DIS3L2: variants seen among roughly 807,000 people sequenced by gnomAD.
DIS3L2 encodes DIS3-like exonuclease 2.
Under a neutral mutation model 97.5 loss-of-function variants are expected in DIS3L2, and 34 were observed. The ratio of observed to expected loss-of-function variants is 0.35; its 90% CI spans 0.27 to 0.46. The LOEUF is 0.46. Among genes scored for constraint, DIS3L2 ranks in the 20% least tolerant of loss-of-function variants. The probability of loss-of-function intolerance (pLI) is 1.00; values close to 1 mark genes in which losing one functional copy is unlikely to be tolerated. For synonymous variants in DIS3L2, 435 were observed against 445.2 expected (o/e 0.98, Z 0.29); for missense variants, 1,038 against 1,146.0 (o/e 0.91, Z 1.36).
At chr2:232,111,338 A>T in intron 6 of DIS3L2, 2 of 455,726 alleles carry the variant, frequency 4.4e-6, no homozygotes, top group Non-Finnish European at 4.6e-6. Flanking sequence ...TAAAGAGCAC[A>T]TCATGGACAT....
chr2:232,210,551 T>A, intron 10 of DIS3L2, 146 bp downstream of exon 10: 1 of 674,350 alleles, frequency 1.5e-6, no homozygotes, highest in Non-Finnish European at 2.6e-6. Context: ...CCTCTGAGCC[T>A]TTACAACTAT....
At chr2:231,966,876 G>C (rs71421607) in intron 1 of DIS3L2, among the ~76,000 whole-genome samples, 1 of 151,952 alleles carries the variant, frequency 6.6e-6, no homozygotes, top group African/African-American at 2.4e-5. Context: ...ACATGAAGTA[G>C]AAGGATTTGA....
chr2:231,977,619 G>C (rs1016211198), intron 1 of DIS3L2, among the ~76,000 whole-genome samples: 1 of 152,148 alleles, frequency 6.6e-6, no homozygotes, highest in African/African-American at 2.4e-5. Flanking sequence ...CGAAACTTCT[G>C]GCCAGTAGGA....
chr2:232,081,669 A>T (rs1368195542), intron 5 of DIS3L2, among the ~76,000 whole-genome samples: 1 of 152,194 alleles, frequency 6.6e-6, no homozygotes, highest in Non-Finnish European at 1.5e-5. Context: ...TTTAGACAAG[A>T]CACTAGTAGC....
chr2:232,060,223 C>A (rs531229847), intron 5 of DIS3L2, among the ~76,000 whole-genome samples: 1 of 152,018 alleles, frequency 6.6e-6, no homozygotes, highest in Non-Finnish European at 1.5e-5. Flanking sequence ...CTTTGCCGTG[C>A]AGTTTTTTAA....
chr2:232,222,033 C>T (rs1291576353), intron 10 of DIS3L2, among the ~76,000 whole-genome samples: 3 of 149,782 alleles, frequency 2.0e-5, no homozygotes, highest in Non-Finnish European at 4.5e-5. Flanking sequence ...ACCTCTGCTT[C>T]CTGGTTTCAA....
chr2:232,314,725 C>T (rs1318993937), intron 14 of DIS3L2, among the ~76,000 whole-genome samples: 3 of 152,214 alleles, frequency 2.0e-5, no homozygotes, highest in Non-Finnish European at 4.4e-5. Flanking sequence ...TTGCCATTTG[C>T]TTTCTTCATG....
At chr2:232,085,104 C>T (rs1696532920) in intron 5 of DIS3L2, among the ~76,000 whole-genome samples, 1 of 152,174 alleles carries the variant, frequency 6.6e-6, no homozygotes, top group Non-Finnish European at 1.5e-5. Flanking sequence ...CAAATATAAA[C>T]ATGGTGAAAC....
At chr2:232,143,217 A>G (rs1690117746) in intron 8 of DIS3L2, among the ~76,000 whole-genome samples, 2 of 152,132 alleles carry the variant, frequency 1.3e-5, no homozygotes, top group Admixed American at 6.6e-5. Flanking sequence ...TTTAATAGGC[A>G]TATCACCCAG....
At chr2:232,217,951 A>T (rs999952038) in intron 10 of DIS3L2, among the ~76,000 whole-genome samples, 17 of 152,356 alleles carry the variant, frequency 1.1e-4, no homozygotes, top group Middle Eastern at 3.4e-3. Context: ...AAACCCAGCA[A>T]GGCCTGTGCA....
At chr2:232,012,553 C>T (rs1208577616) in intron 1 of DIS3L2, among the ~76,000 whole-genome samples, 7 of 149,982 alleles carry the variant, frequency 4.7e-5, no homozygotes, top group African/African-American at 9.7e-5. Context: ...CCAAGGCTGC[C>T]GCGTTTGTTT....
intron 9 of DIS3L2, among the ~76,000 whole-genome samples, chr2:232,205,804 C>T (rs1451018254): frequency 6.6e-6 from 1 of 152,100 alleles, no homozygotes. Context: ...TTTTGTACAG[C>T]AGACAGTTCA....
chr2:232,172,373 A>G (rs1468104079), intron 9 of DIS3L2, among the ~76,000 whole-genome samples: 3 of 152,190 alleles, frequency 2.0e-5, no homozygotes, highest in Admixed American at 1.3e-4. Context: ...TGAACATTTC[A>G]TATAAATGGA....
intron 8 of DIS3L2, among the ~76,000 whole-genome samples, chr2:232,146,900 A>T (rs866061006): frequency 6.6e-6 from 1 of 152,142 alleles, no homozygotes; most frequent in Non-Finnish European, 1.5e-5. Context: ...ATAGATTAAA[A>T]AGTCACTCAG....
chr2:232,330,447 G>T (rs1373163925), intron 15 of DIS3L2, among the ~76,000 whole-genome samples: 3 of 152,196 alleles, frequency 2.0e-5, no homozygotes, highest in Admixed American at 2.0e-4. Context: ...GGGAAGGCAG[G>T]TGCCCCAGGC....
intron 1 of DIS3L2, among the ~76,000 whole-genome samples, chr2:231,976,561 G>A (rs1385940146): frequency 6.6e-6 from 1 of 151,442 alleles, no homozygotes; most frequent in East Asian, 2.0e-4. Flanking sequence ...CCTGGGAGGT[G>A]GAGGTTGTAG....
At chr2:231,987,830 T>C (rs28505530) in intron 1 of DIS3L2, among the ~76,000 whole-genome samples, 18,653 of 152,172 alleles carry the variant, frequency 0.12, 2,672 homozygotes, top group African/African-American at 0.35. Context: ...TTGGTCATTT[T>C]TCTTTTTCTT....
intron 1 of DIS3L2, among the ~76,000 whole-genome samples, chr2:231,968,285 A>G (rs1261611114): frequency 6.6e-6 from 1 of 152,000 alleles, no homozygotes; most frequent in Non-Finnish European, 1.5e-5. Context: ...TTTAATAGAG[A>G]CGGGGTTTCA....
chr2:232,175,923 CTTG>C (rs144670509), intron 9 of DIS3L2, among the ~76,000 whole-genome samples: 529 of 152,220 alleles, frequency 3.5e-3, no homozygotes, highest in African/African-American at 0.012. Flanking sequence ...GAGTTTCACT[CTTG>C]TTGTCCAAAC....
Sources: allele counts gnomAD v4.1 joint callset (sites outside exome capture counted in the v4.1 genomes callset), GRCh38; gene constraint gnomAD v4.1.1; transcripts MANE v1.5; gene names NCBI Gene and HGNC (gene_info 2026-07-23, HGNC 2026-07-21).